GRM5: variants seen among roughly 807,000 people sequenced by gnomAD.
GRM5 encodes the protein glutamate metabotropic receptor 5.
In GRM5, 19 loss-of-function variants were observed where a neutral mutation model predicts 83.1. The observed-to-expected ratio is 0.23, with a 90% confidence interval of 0.16 to 0.34. GRM5 has a LOEUF of 0.34. GRM5 is among the 10% of genes least tolerant of loss of function. The pLI is 1.00. For synonymous variants in GRM5, 675 were observed against 633.6 expected (o/e 1.07, Z -0.98); for missense variants, 1,160 against 1,588.3 (o/e 0.73, Z 4.58).
At chr11:88,956,009 A>G (rs903634886) in intron 2 of GRM5, among the ~76,000 whole-genome samples, 17 of 152,228 alleles carry the variant, frequency 1.1e-4, no homozygotes, top group African/African-American at 4.1e-4. Flanking sequence ...CAATTGTGAA[A>G]CAGCATTTGT....
intron 7 of GRM5, among the ~76,000 whole-genome samples, chr11:88,574,032 T>C (rs1223722729): frequency 6.6e-6 from 1 of 152,222 alleles, no homozygotes; most frequent in Non-Finnish European, 1.5e-5. Context: ...CATTTCTCTC[T>C]GTAGCACTTA....
At chr11:88,674,920 A>T (rs886568512) in intron 3 of GRM5, among the ~76,000 whole-genome samples, 1 of 151,862 alleles carries the variant, frequency 6.6e-6, no homozygotes, top group Non-Finnish European at 1.5e-5. Flanking sequence ...GGCACGTAAG[A>T]TCCTTTATCC....
intron 3 of GRM5, among the ~76,000 whole-genome samples, chr11:88,759,473 A>G (rs1386934831): frequency 1.3e-5 from 2 of 152,206 alleles, no homozygotes; most frequent in African/African-American, 4.8e-5. Flanking sequence ...ATCAAAAAGA[A>G]CAAAGAAGGG....
chr11:88,551,821 A>T (rs775546624), intron 8 of GRM5, among the ~76,000 whole-genome samples: 2 of 152,148 alleles, frequency 1.3e-5, no homozygotes, highest in Non-Finnish European at 2.9e-5. Flanking sequence ...TCACCAATCA[A>T]TGGAAGATCA....
chr11:88,566,748 G>C (rs966824337), intron 8 of GRM5, among the ~76,000 whole-genome samples: 4 of 152,080 alleles, frequency 2.6e-5, no homozygotes, highest in African/African-American at 9.7e-5. Context: ...CAGAACTTGA[G>C]GGTCCTTGCC....
At chr11:88,875,608 A>T (rs561997488) in intron 2 of GRM5, among the ~76,000 whole-genome samples, 43 of 152,204 alleles carry the variant, frequency 2.8e-4, no homozygotes, top group African/African-American at 9.6e-4. Flanking sequence ...TAATCTGAAG[A>T]ATCACAATCT....
intron 2 of GRM5, among the ~76,000 whole-genome samples, chr11:88,891,517 ATTGCC>A (rs542469950): frequency 2.5e-4 from 37 of 150,648 alleles, no homozygotes; most frequent in Non-Finnish European, 4.9e-4. Flanking sequence ...TCACATTGGG[ATTGCC>A]AAAATGATGT....
At chr11:88,941,226 C>T (rs866329302) in intron 2 of GRM5, among the ~76,000 whole-genome samples, 2 of 151,556 alleles carry the variant, frequency 1.3e-5, no homozygotes, top group African/African-American at 2.4e-5. Flanking sequence ...TGCTCAAAGT[C>T]TAATGGGGAC....
intron 4 of GRM5, among the ~76,000 whole-genome samples, chr11:88,628,450 A>G (rs955370084): frequency 1.3e-5 from 2 of 152,234 alleles, no homozygotes; most frequent in South Asian, 2.1e-4. Flanking sequence ...GAAAGAAATC[A>G]TGTGCCATTT....
At chr11:88,830,177 A>G (rs866847724) in intron 3 of GRM5, among the ~76,000 whole-genome samples, 1 of 152,238 alleles carries the variant, frequency 6.6e-6, no homozygotes, top group Middle Eastern at 3.4e-3. Flanking sequence ...CATGTTAAAA[A>G]GGATGAATGG....
At chr11:88,592,636 C>T (rs1504088) in intron 6 of GRM5, among the ~76,000 whole-genome samples, 50,906 of 151,996 alleles carry the variant, frequency 0.33, 9,834 homozygotes, top group African/African-American at 0.54. Context: ...AGAATTCCAA[C>T]ATTACAATCT....
rs150880914 is a variant in GRM5, at chr11:88,650,173, A to G, written c.1147+2995T>C. On this transcript the variant is annotated intron_variant, in intron 4 of 9. Transcript: ENST00000305447. ...AATAATAAAAATTATTGATTAATAC[A>G]AAACAGCAGAAAAGACAGAGGAATA... Among the ~76,000 whole-genome samples, 118 of 152,064 alleles carry G rather than the reference A, an allele frequency of 7.8e-4. No homozygotes were observed. In the East Asian group the frequency reaches 0.021, roughly 27 times the overall value.
intron 7 of GRM5, among the ~76,000 whole-genome samples, chr11:88,586,157 G>A (rs1943310974): frequency 6.6e-6 from 1 of 151,510 alleles, no homozygotes; most frequent in Admixed American, 6.6e-5. Flanking sequence ...TGTAAAAAAA[G>A]GAACCTGTAA....
chr11:88,752,035 C>A (rs1942283373), intron 3 of GRM5, among the ~76,000 whole-genome samples: 1 of 152,166 alleles, frequency 6.6e-6, no homozygotes, highest in African/African-American at 2.4e-5. Context: ...CCCTTTAAAA[C>A]TGGCCACAAG....
chr11:88,981,627 C>T (rs918676530), intron 2 of GRM5, among the ~76,000 whole-genome samples: 1 of 151,288 alleles, frequency 6.6e-6, no homozygotes, highest in Non-Finnish European at 1.5e-5. Flanking sequence ...TTTCTCTACC[C>T]CCCACCTTGC....
intron 8 of GRM5, among the ~76,000 whole-genome samples, chr11:88,527,822 A>G (rs974021067): frequency 6.6e-6 from 1 of 152,070 alleles, no homozygotes; most frequent in African/African-American, 2.4e-5. Flanking sequence ...ATCCTAACCA[A>G]ACTAATGGAG....
At chr11:88,598,504 T>C (rs1391921696) in intron 5 of GRM5, among the ~76,000 whole-genome samples, 1 of 152,132 alleles carries the variant, frequency 6.6e-6, no homozygotes, top group African/African-American at 2.4e-5. Context: ...CTTGATAATT[T>C]TCCTGCAGTC....
intron 7 of GRM5, among the ~76,000 whole-genome samples, chr11:88,578,888 T>A (rs1276818681): frequency 1.3e-5 from 2 of 152,074 alleles, no homozygotes; most frequent in African/African-American, 4.8e-5. Flanking sequence ...AATTTTTCAT[T>A]GCATTTTAGA....
intron 2 of GRM5, among the ~76,000 whole-genome samples, chr11:88,854,677 G>A (rs1944441777): frequency 6.6e-6 from 1 of 151,782 alleles, no homozygotes; most frequent in South Asian, 2.1e-4. Context: ...TATTTATTGG[G>A]TACAATGTTC....
Sources: gnomAD v4.1 joint callset for allele counts (sites outside exome capture counted in the v4.1 genomes callset) on GRCh38, gnomAD v4.1.1 for gene constraint, MANE v1.5 for transcripts, NCBI Gene and HGNC (gene_info 2026-07-23, HGNC 2026-07-21) for gene names.